The following KCNQ1 variants were observed in gnomAD, a reference collection of about 807,000 sequenced individuals.
KCNQ1 encodes potassium voltage-gated channel subfamily Q member 1.
KCNQ1 carries 49 observed loss-of-function variants against 72.4 expected under a neutral mutation model. The observed-to-expected ratio is 0.68, with a 90% CI of 0.54 to 0.86. The LOEUF is 0.86. Ranked by LOEUF, KCNQ1 falls within the 40% of genes least tolerant of loss-of-function variation. The pLI is 0.00. For synonymous variants in KCNQ1, 450 were observed against 412.6 expected, an observed-to-expected ratio of 1.09 and a Z score of -1.10; for missense variants, 790 against 945.1, an observed-to-expected ratio of 0.84 and a Z score of 2.15.
intron 6 of KCNQ1, among the ~76,000 whole-genome samples, chr11:2,577,862 GC>G (rs1022855191): frequency 6.6e-6 from 1 of 152,074 alleles, no homozygotes; most frequent in African/African-American, 2.4e-5. Flanking sequence ...AGACAGTCCT[GC>G]CCCCCACCCA....
intron 11 of KCNQ1, among the ~76,000 whole-genome samples, chr11:2,708,784 G>A (rs1219628086): frequency 6.6e-6 from 1 of 152,120 alleles, no homozygotes; most frequent in African/African-American, 2.4e-5. Context: ...AGCCCTCCTT[G>A]GGACATGTCA....
intron 2 of KCNQ1, among the ~76,000 whole-genome samples, chr11:2,570,010 G>A (rs965969639): frequency 7.9e-5 from 12 of 152,318 alleles, no homozygotes; most frequent in South Asian, 4.1e-4. Context: ...TGCCCCTACC[G>A]CAGGTACACC....
At chr11:2,638,619 A>G (rs1589997268) in intron 10 of KCNQ1, 1 of 152,080 alleles carries the variant, frequency 6.6e-6, no homozygotes. Flanking sequence ...TTTTTCCTTC[A>G]TTTCAACTTT....
At chr11:2,714,908 C>T (rs1356620149) in intron 11 of KCNQ1, among the ~76,000 whole-genome samples, 1 of 151,776 alleles carries the variant, frequency 6.6e-6, no homozygotes, top group African/African-American at 2.4e-5. Context: ...ACATGCTCTC[C>T]AGCTCGTCAG....
In KCNQ1 at chr11:2,661,873, C is replaced by G; in HGVS notation, c.1394-88C>G. On this transcript the variant is annotated intron_variant, in intron 10 of 15. Coordinates refer to ENST00000155840, the MANE Select transcript of KCNQ1 (RefSeq NM_000218.3). This position sits in a 1 kb window ranked among gnomAD's most constrained non-coding sequence, Gnocchi z 5.9. ...TCCAGGCACAAGCTCCACTCCTCAC[C>G]TGGCCCTGGGAGCTCACAGGCCTGG... The G allele has an allele frequency of 6.5e-7, 1 of 1,549,928 alleles. No homozygotes were observed. The highest frequency in any genetic ancestry group is 8.9e-7 in the Non-Finnish European group (1 of 1,123,454).
rs1158987230 is a variant in KCNQ1, at chr11:2,690,258, C to G, written c.1514+28177C>G. 1 of 398,640 alleles carries G rather than the reference C, an allele frequency of 2.5e-6. No homozygotes were observed. Among genetic ancestry groups the G allele is most frequent in the African/African-American group, 2.1e-5 (1 of 48,634 alleles). The allele number at this position is 398,640 out of a possible 1,614,324, so 24.7% of individuals were successfully genotyped here. The stretch of plus-strand genomic sequence containing the variant: ...AGTCATTCCATGTGGCTGAGCTGCT[C>G]CTTGCTGCATCTGCACATATGTGTA... On this transcript the variant is annotated intron_variant, in intron 11 of 15. Coordinates refer to ENST00000155840, the MANE Select transcript of KCNQ1 (RefSeq NM_000218.3). The surrounding 1 kb of genome is among the most constrained non-coding windows in gnomAD (Gnocchi z 5.1).
At chr11:2,660,308 A>G (rs1849928838) in intron 10 of KCNQ1, 1 of 398,452 alleles carries the variant, frequency 2.5e-6, no homozygotes, top group Non-Finnish European at 4.4e-6. Context: ...ATACATATGT[A>G]TACATACAAC....
Position 2,547,385 on chromosome 11 carries a change from C to A in KCNQ1, c.477+19367C>A, listed in dbSNP as rs1320950417. ...AGCTGGGATTATAGGTGGGCGCCAC[C>A]ACACCTGGCTAATTTTTTTTGTATT... On this transcript the variant is annotated intron_variant, in intron 2 of 15. Transcript: ENST00000155840. This position sits in a 1 kb window ranked among gnomAD's most constrained non-coding sequence, Gnocchi z 4.2. 6.6e-6 allele frequency among the ~76,000 whole-genome samples: 1 copy of A among 152,060 alleles called. No homozygotes were observed. Among genetic ancestry groups the A allele is most frequent in the Non-Finnish European group, 1.5e-5 (1 of 68,020 alleles).
Position 2,682,868 on chromosome 11 carries a change from G to A in KCNQ1, c.1514+20787G>A, listed in dbSNP as rs1285269985. ...TCTCAGTTTTGTAGACCAGGAAACT[G>A]AGGCTTGGGGATAGCAGATGTTCCC... is the stretch of plus-strand genomic sequence containing the variant. On this transcript the variant is annotated intron_variant, in intron 11 of 15. Transcript: ENST00000155840. The surrounding 1 kb of genome is among the most constrained non-coding windows in gnomAD (Gnocchi z 5.8). 1 of 398,508 alleles carries A rather than the reference G, an allele frequency of 2.5e-6. No homozygotes were observed. The highest frequency in any genetic ancestry group is 3.6e-5 in the East Asian group (1 of 28,088). 24.7% of individuals were successfully genotyped at this position (398,508 alleles called of 1,614,324 possible). A position where few individuals can be genotyped will look rare whatever the true frequency, so the allele number is the denominator to read the frequency against.
intron 15 of KCNQ1, among the ~76,000 whole-genome samples, chr11:2,790,716 CGCTCGCGT>C (rs1847005328): frequency 6.6e-6 from 1 of 152,236 alleles, no homozygotes; most frequent in African/African-American, 2.4e-5. Context: ...TTATGCCGAT[CGCTCGCGT>C]GCAAAGGCCC....
intron 1 of KCNQ1, among the ~76,000 whole-genome samples, chr11:2,505,418 C>T (rs757698683): frequency 6.6e-6 from 1 of 152,184 alleles, no homozygotes; most frequent in South Asian, 2.1e-4. Flanking sequence ...AACATTTCCA[C>T]GTGCACTTGG....
chr11:2,653,465 G>T lies in KCNQ1; in HGVS notation c.1394-8496G>T. 2.5e-6 allele frequency: 1 copy of T among 397,616 alleles called. No individual in the cohort carries two copies. Among genetic ancestry groups the T allele is most frequent in the South Asian group, 1.3e-4 (1 of 7,816 alleles). 24.6% of individuals were successfully genotyped at this position (397,616 alleles called of 1,614,324 possible). ...GGACATTTTTTGGCTCACACAGCTG[G>T]ACCCAGCTGTTTCAGACACAGCTGG... is the stretch of plus-strand genomic sequence containing the variant. On this transcript the variant is annotated intron_variant, in intron 10 of 15. Transcript: ENST00000155840. The surrounding 1 kb of genome is among the most constrained non-coding windows in gnomAD (Gnocchi z 5.3).
chr11:2,456,957 A>ACC (rs1399384139), intron 1 of KCNQ1, among the ~76,000 whole-genome samples: 35,402 of 121,964 alleles, frequency 0.29, 8,742 homozygotes, highest in African/African-American at 0.56. Context: ...AAAAAAAAAA[A>ACC]AAAAAAAACC....
chr11:2,835,579 A>T (rs1279491495), intron 15 of KCNQ1, among the ~76,000 whole-genome samples: 2 of 152,202 alleles, frequency 1.3e-5, no homozygotes, highest in Non-Finnish European at 2.9e-5. Context: ...GCAAGGGCAG[A>T]AGCCCCACCT....
intron 7 of KCNQ1, among the ~76,000 whole-genome samples, chr11:2,583,825 C>T (rs950063944): frequency 6.6e-6 from 1 of 152,166 alleles, no homozygotes; most frequent in African/African-American, 2.4e-5. Flanking sequence ...CTCACTCAGC[C>T]CTGGGTGGGT....
In KCNQ1 at chr11:2,445,165, G is replaced by T; in HGVS notation, c.67G>T (p.Ala23Ser). 1 of 1,135,236 alleles carries T rather than the reference G, an allele frequency of 8.8e-7. No individual in the cohort carries two copies. The highest frequency in any genetic ancestry group is 1.1e-6 in the Non-Finnish European group (1 of 923,078). The allele number at this position is 1,135,236 out of a possible 1,614,324, so 70.3% of individuals were successfully genotyped here. ...KRWGWGRLPGARRGSAGLAKK... is the reference protein window; with the variant it reads ...KRWGWGRLPGSRRGSAGLAKK... ...CTGGGGTTGGGGCCGCCTGCCAGGC[G>T]CCCGGCGGGGCAGCGCGGGCCTGGC... Residue 23 changes from alanine (A) to serine (S), a missense_variant, in exon 1 of 16, where the codon GCC becomes TCC. Ala to Ser is a moderately conservative substitution (Grantham distance 99). This residue lies in a region of KCNQ1 where 294 missense variants were observed against 323.3 expected (regional missense o/e 0.91). Coordinates refer to ENST00000155840, the MANE Select transcript of KCNQ1 (RefSeq NM_000218.3).
rs772165494 is a variant in KCNQ1, at chr11:2,667,069, C to T, written c.1514+4988C>T. ...GGCTCAAACCCGTCTCTGAAATGCA[C>T]GGGGGGATTAAATGTTCTTCTAATT... On this transcript the variant is annotated intron_variant, in intron 11 of 15. Transcript: ENST00000155840. 15 of 398,486 alleles carry T rather than the reference C, an allele frequency of 3.8e-5. No individual in the cohort carries two copies. The Middle Eastern group carries it at 1.9e-3, about 50-fold the overall frequency. The allele number at this position is 398,486 out of a possible 1,614,324, so 24.7% of individuals were successfully genotyped here.
At chr11:2,646,059 C>T (rs1191510753) in intron 10 of KCNQ1, 2 of 398,520 alleles carry the variant, frequency 5.0e-6, no homozygotes, top group Non-Finnish European at 8.8e-6. Flanking sequence ...TCTTCATGAT[C>T]CCAGCCAGTC....
chr11:2,502,072 G>C (rs1281254168), intron 1 of KCNQ1, among the ~76,000 whole-genome samples: 2 of 152,152 alleles, frequency 1.3e-5, no homozygotes, highest in Non-Finnish European at 2.9e-5. Flanking sequence ...ATATATGACA[G>C]ACCCACAGCT....
Sources: gnomAD v4.1 joint callset for allele counts (sites outside exome capture counted in the v4.1 genomes callset) on GRCh38, gnomAD v4.1.1 for gene constraint, gnomAD v4.1.1 regional missense constraint, Gnocchi (gnomAD v3.1) non-coding constraint, MANE v1.5 for transcripts, NCBI Gene and HGNC (gene_info 2026-07-23, HGNC 2026-07-21) for gene names.